The following ADAM7 variants were observed in gnomAD, a reference collection of about 807,000 sequenced individuals.
ADAM7 encodes the protein ADAM metallopeptidase domain 7.
ADAM7 carries 97 observed loss-of-function variants against 102.9 expected under a neutral mutation model. The ratio of observed to expected loss-of-function variants is 0.94; its 90% confidence interval spans 0.80 to 1.12. ADAM7 has a LOEUF of 1.12. ADAM7 is among the 50% of genes most tolerant of loss of function. The probability of loss-of-function intolerance (pLI) is 0.00; values close to 1 mark genes in which losing one functional copy is unlikely to be tolerated. For synonymous variants in ADAM7, 334 were observed against 304.4 expected (o/e 1.10, Z -1.01); for missense variants, 991 against 908.7 (o/e 1.09, Z -1.16).
chr8:24,441,473 C>T (rs1818371100), intron 1 of ADAM7, among the ~76,000 whole-genome samples: 1 of 152,306 alleles, frequency 6.6e-6, no homozygotes. Flanking sequence ...AATATCTCCA[C>T]TTTACAGATA....
intron 3 of ADAM7, among the ~76,000 whole-genome samples, chr8:24,455,441 C>CCACTCT (rs1354320544): frequency 6.6e-6 from 1 of 152,218 alleles, no homozygotes; most frequent in Non-Finnish European, 1.5e-5. Context: ...CTCACTCTGT[C>CCACTCT]ACCCAGGCTA....
At chr8:24,447,642 T>C (rs539857050) in intron 3 of ADAM7, among the ~76,000 whole-genome samples, 4 of 152,306 alleles carry the variant, frequency 2.6e-5, no homozygotes, top group East Asian at 1.9e-4. Context: ...TCAAGTTCCA[T>C]TGCAGAGTAA....
chr8:24,443,218 T>C (rs1818433584), intron 2 of ADAM7, among the ~76,000 whole-genome samples: 1 of 152,158 alleles, frequency 6.6e-6, no homozygotes, highest in African/African-American at 2.4e-5. Context: ...ATTGGGCTCA[T>C]AGAGAATACT....
At position 24,507,151 on chromosome 8, in the gene ADAM7, G is replaced by A. The variant is rs143552663; in HGVS notation, c.2209-329G>A. 1.4e-3 allele frequency among the ~76,000 whole-genome samples: 216 copies of A among 152,072 alleles called. 1 individual carries two copies. The highest frequency in any genetic ancestry group is 4.6e-3 in the African/African-American group (192 of 41,478). ...CTGAGATTCCAACAGAGATGTTATC[G>A]GAATGAAAGTGCTAATACTTTAAAA... On this transcript the variant is annotated intron_variant, in intron 20 of 21. Coordinates refer to ENST00000175238, the MANE Select transcript of ADAM7 (RefSeq NM_003817.4).
chr8:24,492,621 T>G, intron 15 of ADAM7, 24 bp downstream of exon 15: 1 of 1,561,888 alleles, frequency 6.4e-7, no homozygotes, highest in Non-Finnish European at 8.8e-7. Context: ...GGAAAAAAAG[T>G]AATTTGCCTT....
At chr8:24,495,258 A>G (rs542721863) in intron 16 of ADAM7, among the ~76,000 whole-genome samples, 1 of 152,332 alleles carries the variant, frequency 6.6e-6, no homozygotes, top group South Asian at 2.1e-4. Flanking sequence ...AGAACCAGGG[A>G]AATCTCAATT....
At chr8:24,479,337 C>T (rs1481284287) in intron 8 of ADAM7, among the ~76,000 whole-genome samples, 2 of 152,240 alleles carry the variant, frequency 1.3e-5, no homozygotes, top group Non-Finnish European at 2.9e-5. Context: ...AGTTTCCCAC[C>T]TGTCCTCCAG....
intron 20 of ADAM7, among the ~76,000 whole-genome samples, chr8:24,502,941 C>T (rs191294654): frequency 6.6e-6 from 1 of 152,210 alleles, no homozygotes; most frequent in East Asian, 1.9e-4. Flanking sequence ...CTAACTAATA[C>T]ACTAACAAAT....
At chr8:24,473,895 T>C (rs1262697688) in intron 7 of ADAM7, among the ~76,000 whole-genome samples, 3 of 152,200 alleles carry the variant, frequency 2.0e-5, no homozygotes, top group East Asian at 3.9e-4. Flanking sequence ...ATATAGTATA[T>C]ATTTGTGTAT....
chr8:24,483,713 G>C (rs1315867567), intron 9 of ADAM7, among the ~76,000 whole-genome samples: 2 of 152,194 alleles, frequency 1.3e-5, no homozygotes, highest in East Asian at 3.9e-4. Context: ...AAATCATGGG[G>C]AATGGAGCGT....
At chr8:24,444,314 C>T (rs913175412) in intron 2 of ADAM7, among the ~76,000 whole-genome samples, 17 of 151,194 alleles carry the variant, frequency 1.1e-4, no homozygotes, top group African/African-American at 4.1e-4. Context: ...AAAATGGACA[C>T]TTCTTCTGGG....
intron 21 of ADAM7, among the ~76,000 whole-genome samples, chr8:24,507,797 G>A (rs1404605628): frequency 2.0e-5 from 3 of 152,082 alleles, no homozygotes; most frequent in Admixed American, 6.6e-5. Flanking sequence ...TCTCAATACA[G>A]GTTAGGAATA....
chr8:24,461,788 C>CTT (rs3070284), intron 3 of ADAM7, among the ~76,000 whole-genome samples: 151,252 of 152,274 alleles, frequency 0.99, 75,127 homozygotes, highest in Middle Eastern at 1. Flanking sequence ...TCAAGTAAAA[C>CTT]TTATCTAGGT....
rs1820945807 is a variant in ADAM7, at chr8:24,506,220, A to C, written c.2209-1260A>C. The C allele has an allele frequency of 3.1e-6, 4 of 1,284,258 alleles. No individual in the cohort carries two copies. In the South Asian group the frequency reaches 5.3e-5, roughly 17 times the overall value. The allele number at this position is 1,284,258 out of a possible 1,614,324, so 79.6% of individuals were successfully genotyped here. Reference sequence around the variant, plus strand: ...TCCTTTCCAATAATAATTTTCATGAAACTTAATCATTTGTTGGTTCCTTGA... The same window carrying C: ...TCCTTTCCAATAATAATTTTCATGACACTTAATCATTTGTTGGTTCCTTGA... On this transcript the variant is annotated intron_variant, in intron 20 of 21. Transcript: ENST00000175238.
chr8:24,482,169 A>G lies in ADAM7; in HGVS notation c.733A>G (p.Thr245Ala). The stretch of plus-strand genomic sequence containing the variant: ...TTATAAAACCTTAAACATCCATGTG[A>G]CGTTGGTTGGCATTGAAATATGGAC... Reference protein sequence around the residue: ...MIYKTLNIHVTLVGIEIWTHE... With the variant: ...MIYKTLNIHVALVGIEIWTHE... The change falls in exon 9 of 22, where the codon ACG becomes GCG. Residue 245 changes from threonine (T) to alanine (A), a missense_variant. By Grantham distance (58) the Thr-to-Ala change is moderately conservative. Transcript: ENST00000175238. 2 of 1,592,892 alleles carry G rather than the reference A, an allele frequency of 1.3e-6. No individual in the cohort carries two copies. The highest frequency in any genetic ancestry group is 2.3e-5 in the South Asian group (2 of 85,968).
chr8:24,484,137 T>A (rs1450443310), intron 9 of ADAM7, among the ~76,000 whole-genome samples: 2 of 152,182 alleles, frequency 1.3e-5, no homozygotes, highest in Non-Finnish European at 2.9e-5. Flanking sequence ...ACATGTGGTT[T>A]TCTCAATACC....
At chr8:24,490,978 C>A in intron 13 of ADAM7, 90 bp downstream of exon 13, 2 of 1,252,450 alleles carry the variant, frequency 1.6e-6, no homozygotes, top group South Asian at 1.4e-5. Flanking sequence ...CAGCCCTGCA[C>A]CACTGACTCC....
chr8:24,444,954 C>G (rs1818502439), intron 2 of ADAM7, among the ~76,000 whole-genome samples: 1 of 152,082 alleles, frequency 6.6e-6, no homozygotes, highest in Non-Finnish European at 1.5e-5. Flanking sequence ...TCTGTACTAT[C>G]TTTCCAACTT....
chr8:24,505,214 A>G (rs1820909559), intron 20 of ADAM7, among the ~76,000 whole-genome samples: 1 of 152,114 alleles, frequency 6.6e-6, no homozygotes, highest in Non-Finnish European at 1.5e-5. Context: ...ACTTCCAGAG[A>G]GATGAGTCAG....
Sources: allele counts gnomAD v4.1 joint callset (sites outside exome capture counted in the v4.1 genomes callset), GRCh38; gene constraint gnomAD v4.1.1; transcripts MANE v1.5; gene names NCBI Gene and HGNC (gene_info 2026-07-23, HGNC 2026-07-21).